Variants in LIG3 observed in about 807,000 individuals in gnomAD.
The protein encoded by LIG3 is ligase II, DNA, ATP-dependent.
Under a neutral mutation model 110.9 loss-of-function variants are expected in LIG3, and 58 were observed. The ratio of observed to expected loss-of-function variants is 0.52; its 90% CI spans 0.42 to 0.65. LIG3 has a LOEUF of 0.65. LIG3 is among the 30% of genes least tolerant of loss of function. The probability of loss-of-function intolerance (pLI) is 0.00; values close to 1 mark genes in which losing one functional copy is unlikely to be tolerated. For synonymous variants in LIG3, 422 were observed against 472.8 expected, an observed-to-expected ratio of 0.89 and a Z score of 1.39; for missense variants, 1,094 against 1,273.8, an observed-to-expected ratio of 0.86 and a Z score of 2.15.
chr17:34,995,731 A>T (rs1262779885), intron 9 of LIG3, among the ~76,000 whole-genome samples: 1 of 152,140 alleles, frequency 6.6e-6, no homozygotes. Flanking sequence ...TGCAGTAGGC[A>T]CTAATCTCTG....
chr17:34,992,242 G>GT (rs1597795463), intron 7 of LIG3, among the ~76,000 whole-genome samples: 1 of 152,210 alleles, frequency 6.6e-6, no homozygotes, highest in Non-Finnish European at 1.5e-5. Context: ...TTCTCACAGA[G>GT]TTCTTACAGT....
intron 1 of LIG3, among the ~76,000 whole-genome samples, chr17:34,981,749 G>A (rs1237971774): frequency 6.6e-6 from 1 of 152,214 alleles, no homozygotes; most frequent in Non-Finnish European, 1.5e-5. Context: ...TAACGTGACA[G>A]CAATTTTGCT....
In LIG3 at chr17:35,004,345, C is replaced by T. The variant is rs756649783; in HGVS notation, c.2869C>T (p.Arg957Cys). 1.6e-5 allele frequency: 26 copies of T among 1,614,050 alleles called. No homozygotes were observed. Among genetic ancestry groups the T allele is most frequent in the South Asian group, 3.3e-5 (3 of 91,090 alleles). ...PSTPDFSRLR[R>C]YFVAFDGDLV... ...CACACCAGACTTCAGCCGTCTCAGA[C>T]GCTACTTTGTGGCATTCGACGGGGA... is the stretch of plus-strand genomic sequence containing the variant. Residue 957 changes from arginine (R) to cysteine (C), a missense_variant, in exon 20 of 20, where the codon CGC becomes TGC. By Grantham distance (180) the Arg-to-Cys change is radical. Transcript: ENST00000378526.
In LIG3 at chr17:35,002,008, C is replaced by T. The variant is rs1298206595; in HGVS notation, c.2578C>T (p.Pro860Ser). 1.2e-6 allele frequency: 2 copies of T among 1,612,768 alleles called. No individual in the cohort carries two copies. Among genetic ancestry groups the T allele is most frequent in the Admixed American group, 1.7e-5 (1 of 59,786 alleles). The change falls in exon 18 of 20, where the codon CCC (proline) becomes TCC (serine). Residue 860 changes from proline (P) to serine (S), a missense_variant. Physicochemically the swap from Pro to Ser is moderately conservative, Grantham distance 74 (BLOSUM62 -1). Coordinates refer to ENST00000378526, the MANE Select transcript of LIG3 (RefSeq NM_013975.4). ...TGGSSEENKG[P>S]SGSAVSRKAP... is the part of the protein sequence containing the mutation. ...GGGTAGCAGTGAAGAGAATAAGGGT[C>T]CCTCAGGGTCTGCTGTGTCCCGCAA...
chr17:34,986,181 G>T, intron 3 of LIG3, 50 bp downstream of exon 3: 1 of 1,569,402 alleles, frequency 6.4e-7, no homozygotes. Flanking sequence ...CTTTTATTTT[G>T]TATTCTACCT....
chr17:34,982,998 A>G lies in LIG3; in HGVS notation c.-4-4A>G. 6.8e-7 allele frequency: 1 copy of G among 1,470,894 alleles called. No individual in the cohort carries two copies. 91.1% of individuals were successfully genotyped at this position (1,470,894 alleles called of 1,614,324 possible). A position where few individuals can be genotyped will look rare whatever the true frequency, so the allele number is the denominator to read the frequency against. On this transcript the variant is annotated splice_polypyrimidine_tract_variant and splice_region_variant and intron_variant, in intron 1 of 19. Transcript: ENST00000378526. ...TTTTTTTGGCCTCCTACTCTTTCGT[A>G]CAGCTATATGTCTTTGGCTTTCAAG...
chr17:34,986,168 C>T, intron 3 of LIG3, 37 bp downstream of exon 3: 1 of 1,600,066 alleles, frequency 6.2e-7, no homozygotes. Flanking sequence ...TGTTATAGTG[C>T]TGCTTTTATT....
At chr17:34,999,473 A>G (rs1381063408) in intron 15 of LIG3, 24 bp downstream of exon 15, 2 of 1,610,552 alleles carry the variant, frequency 1.2e-6, no homozygotes, top group South Asian at 1.1e-5. Context: ...CTGGTTGGCC[A>G]TGGCCTCTGG....
chr17:35,001,974 C>G lies in LIG3; in HGVS notation c.2544C>G (p.Ser848=). The change falls in exon 18 of 20, where the codon TCC becomes TCG. Residue 848 remains serine, a synonymous_variant. Transcript: ENST00000378526. ...FTVVAGDEGS[S]TTGGSSEENK... is the part of the protein sequence containing the mutation. ...TAGTGGCTGGAGATGAGGGGAGCTC[C>G]ACTACAGGGGGTAGCAGTGAAGAGA... 1.2e-6 allele frequency: 2 copies of G among 1,613,048 alleles called. No individual in the cohort carries two copies. Among genetic ancestry groups the G allele is most frequent in the Non-Finnish European group, 8.5e-7 (1 of 1,179,578 alleles).
chr17:34,992,377 TCTC>T, intron 7 of LIG3, 144 bp from the exon 8 acceptor site: 1 of 941,172 alleles, frequency 1.1e-6, no homozygotes, highest in Non-Finnish European at 1.6e-6. Flanking sequence ...AAGAGCTTTC[TCTC>T]CTCTTGTGAA....
intron 12 of LIG3, 171 bp downstream of exon 12, chr17:34,997,996 T>C (rs1387982303): frequency 1.5e-6 from 1 of 665,490 alleles, no homozygotes; most frequent in Non-Finnish European, 2.6e-6. Context: ...CCCAGAAGGG[T>C]AGGGCATGGA....
chr17:34,995,229 G>T (rs954868660), intron 9 of LIG3, among the ~76,000 whole-genome samples: 1 of 152,188 alleles, frequency 6.6e-6, no homozygotes, highest in Non-Finnish European at 1.5e-5. Flanking sequence ...GGAGCATTGG[G>T]AACAAAGCAG....
chr17:34,999,025 A>G (rs1180559028), intron 14 of LIG3: 1 of 506,594 alleles, frequency 2.0e-6, no homozygotes, highest in Non-Finnish European at 3.5e-6. Flanking sequence ...CTGGAAAGGA[A>G]GCTGGAGTCT....
At position 34,985,995 on chromosome 17, in the gene LIG3, T is replaced by C; in HGVS notation, c.555T>C (p.Ser185=). The C allele has an allele frequency of 6.2e-7, 1 of 1,614,062 alleles. No individual in the cohort carries two copies. The highest frequency in any genetic ancestry group is 8.5e-7 in the Non-Finnish European group (1 of 1,179,956). The change falls in exon 3 of 20, where the codon TCT becomes TCC. Residue 185 remains serine (S), a synonymous_variant. Transcript: ENST00000378526. ...TCTTTTGGGATCCTACAGATCTGTCTTCTAAGGCAGCAGGTACACCAAAGA... is the reference window on the plus strand; with the variant it reads ...TCTTTTGGGATCCTACAGATCTGTCCTCTAAGGCAGCAGGTACACCAAAGA... ...EQITQHIADL[S]SKAAGTPKKK...
Position 34,997,890 on chromosome 17 carries a change from G to A in LIG3, c.1911+65G>A, listed in dbSNP as rs2090796253. The A allele has an allele frequency of 1.1e-5, 13 of 1,167,338 alleles. No homozygotes were observed. In the South Asian group the frequency reaches 1.2e-4, roughly 11 times the overall value. 72.3% of individuals were successfully genotyped at this position (1,167,338 alleles called of 1,614,324 possible). ...TGAAAGCAGGGCAGAGAACTCCTTG[G>A]GTCAACTGCGACTGGAAGAATAAAT... On this transcript the variant is annotated intron_variant, in intron 12 of 19. Coordinates refer to ENST00000378526, the MANE Select transcript of LIG3 (RefSeq NM_013975.4).
Position 35,004,640 on chromosome 17 carries a change from T to C in LIG3, c.*134T>C, listed in dbSNP as rs1192185051. ...TCCCAAACCCACCAGTTCTCCACTG[T>C]CTCTTCTGGACCAGGAATTAGTTGC... On this transcript the variant is annotated 3_prime_UTR_variant, in exon 20 of 20. Transcript: ENST00000378526. 1 of 674,490 alleles carries C rather than the reference T, an allele frequency of 1.5e-6. No homozygotes were observed. 41.8% of individuals were successfully genotyped at this position (674,490 alleles called of 1,614,324 possible).
chr17:34,982,983 C>T lies in LIG3; in HGVS notation c.-4-19C>T, dbSNP rs375804574. On this transcript the variant is annotated intron_variant, in intron 1 of 19. Coordinates refer to ENST00000378526, the MANE Select transcript of LIG3 (RefSeq NM_013975.4). ...TATATCTTTTTTTTTTTTTTTTGGC[C>T]TCCTACTCTTTCGTACAGCTATATG... The T allele has an allele frequency of 4.3e-5, 62 of 1,439,526 alleles. No homozygotes were observed. The highest frequency in any genetic ancestry group is 4.1e-4 in the African/African-American group (28 of 68,336). The allele number at this position is 1,439,526 out of a possible 1,614,324, so 89.2% of individuals were successfully genotyped here.
intron 7 of LIG3, 79 bp downstream of exon 7, chr17:34,992,114 G>T: frequency 7.9e-7 from 1 of 1,257,884 alleles, no homozygotes; most frequent in Non-Finnish European, 1.2e-6. Context: ...GGACTTTTGA[G>T]TCCCAGTCAG....
chr17:35,002,932 C>T, intron 19 of LIG3, 143 bp downstream of exon 19: 1 of 1,610,226 alleles, frequency 6.2e-7, no homozygotes, highest in Non-Finnish European at 8.5e-7. Context: ...TGCAGCCACT[C>T]CTCTGTCGTG....
Sources: allele counts gnomAD v4.1 joint callset (sites outside exome capture counted in the v4.1 genomes callset), GRCh38; gene constraint gnomAD v4.1.1; transcripts MANE v1.5; gene names NCBI Gene and HGNC (gene_info 2026-07-23, HGNC 2026-07-21).